The following DYNC2LI1 variants were observed in gnomAD, a reference collection of about 807,000 sequenced individuals.
DYNC2LI1 encodes dynein cytoplasmic 2 light intermediate chain 1.
Under a neutral mutation model 51.9 loss-of-function variants are expected in DYNC2LI1, and 45 were observed. That is an observed-to-expected ratio of 0.87 (90% CI 0.68 to 1.11). The LOEUF is 1.11. Ranked by LOEUF, DYNC2LI1 falls within the 50% of genes most tolerant of loss-of-function variation. The probability of loss-of-function intolerance (pLI) is 0.00; values close to 1 mark genes in which losing one functional copy is unlikely to be tolerated. For synonymous variants in DYNC2LI1, 130 were observed against 137.8 expected (o/e 0.94, Z 0.40); for missense variants, 490 against 417.4 (o/e 1.17, Z -1.51).
chr2:43,824,509 G>C, the DYNC2LI1 span: 1 of 1,598,424 alleles, frequency 6.3e-7, no homozygotes, highest in Non-Finnish European at 8.5e-7. Flanking sequence ...ATTGGTACAG[G>C]AGTACTGGCC....
At chr2:43,806,003 C>T (rs189841686) in intron 12 of DYNC2LI1, among the ~76,000 whole-genome samples, 8 of 152,082 alleles carry the variant, frequency 5.3e-5, no homozygotes, top group Admixed American at 4.6e-4. Context: ...GCTTCAGCCT[C>T]CTGAGTGGCT....
rs1459928721 is a variant in DYNC2LI1, at chr2:43,778,587, A to G, written c.126+1688A>G. On this transcript the variant is annotated intron_variant, in intron 2 of 12. Transcript: ENST00000260605. ...GATTTAAATAAATGAGTAAATAACT[A>G]GTACTAGTCTTATGGTACAAATACA... 7.9e-5 allele frequency among the ~76,000 whole-genome samples: 12 copies of G among 152,348 alleles called. 1 individual carries two copies. The South Asian group carries it at 2.5e-3, about 32-fold the overall frequency.
chr2:43,800,815 A>C, intron 8 of DYNC2LI1, 26 bp from the exon 9 acceptor site: 1 of 1,336,152 alleles, frequency 7.5e-7, no homozygotes, highest in South Asian at 1.3e-5. Flanking sequence ...TAGAGCATGT[A>C]ATTTGTTCTC....
rs971472355 is a variant in DYNC2LI1, at chr2:43,805,092, A to G, written c.901-62A>G. The G allele has an allele frequency of 1.4e-5, 15 of 1,047,602 alleles. No individual in the cohort carries two copies. In the African/African-American group the frequency reaches 2.1e-4, roughly 15 times the overall value. 64.9% of individuals were successfully genotyped at this position (1,047,602 alleles called of 1,614,324 possible). The stretch of plus-strand genomic sequence containing the variant: ...GGAATGGGAGCTTGGTTTATTAGGC[A>G]GATGGTAGCCATTGAATTTTGGTTT... On this transcript the variant is annotated intron_variant, in intron 11 of 12. Coordinates refer to ENST00000260605, the MANE Select transcript of DYNC2LI1 (RefSeq NM_016008.4).
chr2:43,777,714 C>T (rs573511047), intron 2 of DYNC2LI1, among the ~76,000 whole-genome samples: 11 of 152,342 alleles, frequency 7.2e-5, no homozygotes, highest in African/African-American at 2.2e-4. Flanking sequence ...CACTGGGCAA[C>T]GTCAGCGCCC....
rs746871303 is a variant in DYNC2LI1 at position 43,774,130 on chromosome 2, C to T, written c.-9C>T. 5 of 1,613,912 alleles carry T rather than the reference C, an allele frequency of 3.1e-6. No homozygotes were observed. Among genetic ancestry groups the T allele is most frequent in the Non-Finnish European group, 1.7e-6 (2 of 1,179,956 alleles). On this transcript the variant is annotated 5_prime_UTR_variant, in exon 1 of 13. Transcript: ENST00000260605. ...GCCTGTGACGTTTGCGGCAGCCAGG[C>T]CGTCGACGATGCCCAGGTATTCCCT...
chr2:43,815,285 T>C, the DYNC2LI1 span, among the ~76,000 whole-genome samples: 1 of 152,216 alleles, frequency 6.6e-6, no homozygotes, highest in African/African-American at 2.4e-5. Flanking sequence ...TTTCTGTCAA[T>C]CAAAAGGTAT....
chr2:43,788,198 TG>T (rs1673612963), intron 4 of DYNC2LI1, among the ~76,000 whole-genome samples: 1 of 152,164 alleles, frequency 6.6e-6, no homozygotes, highest in Non-Finnish European at 1.5e-5. Context: ...AAATTGTGAA[TG>T]GAGGGAGATT....
intron 7 of DYNC2LI1, 36 bp from the exon 8 acceptor site, chr2:43,796,682 G>T: frequency 6.9e-7 from 1 of 1,454,174 alleles, no homozygotes. Context: ...TAGATATTTG[G>T]TTATCTTGAC....
chr2:43,800,968 A>G (rs747150505), intron 9 of DYNC2LI1, 51 bp downstream of exon 9: 34 of 1,243,474 alleles, frequency 2.7e-5, no homozygotes, highest in Admixed American at 9.7e-5. Flanking sequence ...GATTTAGCCA[A>G]TGTTGTCTCA....
At chr2:43,823,070 G>C in the DYNC2LI1 span, 1 of 1,176,982 alleles carries the variant, frequency 8.5e-7, no homozygotes, top group Non-Finnish European at 1.2e-6. Flanking sequence ...AGTCATAGAA[G>C]GAGGGGACCT....
chr2:43,791,147 G>T (rs1283527124), intron 5 of DYNC2LI1, among the ~76,000 whole-genome samples: 1 of 152,148 alleles, frequency 6.6e-6, no homozygotes, highest in African/African-American at 2.4e-5. Flanking sequence ...CGTGAGCCAG[G>T]GAGTTCAAGG....
chr2:43,823,386 G>C, the DYNC2LI1 span, among the ~76,000 whole-genome samples: 9 of 147,970 alleles, frequency 6.1e-5, no homozygotes, highest in Non-Finnish European at 1.2e-4. Context: ...TCAAGCTCTA[G>C]AGCAACTTCA....
the DYNC2LI1 span, among the ~76,000 whole-genome samples, chr2:43,819,740 A>G: frequency 6.6e-6 from 1 of 152,330 alleles, no homozygotes; most frequent in East Asian, 1.9e-4. Flanking sequence ...TTATTGAACA[A>G]ATGAACAGTT....
intron 4 of DYNC2LI1, 48 bp from the exon 5 acceptor site, chr2:43,789,585 T>A: frequency 7.0e-7 from 1 of 1,426,630 alleles, no homozygotes; most frequent in Non-Finnish European, 9.9e-7. Context: ...GCTAATGACA[T>A]ATAAGAAGTA....
the DYNC2LI1 span, chr2:43,822,485 C>T: frequency 6.9e-5 from 64 of 925,858 alleles, 3 homozygotes; most frequent in Non-Finnish European, 7.6e-5. Flanking sequence ...CAGGCCCCCC[C>T]CCATGCACCT....
chr2:43,788,589 C>T (rs901760432), intron 4 of DYNC2LI1, among the ~76,000 whole-genome samples: 1 of 152,126 alleles, frequency 6.6e-6, no homozygotes, highest in East Asian at 1.9e-4. Context: ...AGTCTAGGAA[C>T]GTCTTATGGA....
downstream of DYNC2LI1, chr2:43,810,014 G>A (rs1203858281): frequency 7.5e-6 from 8 of 1,071,752 alleles, no homozygotes; most frequent in Admixed American, 8.2e-5. Flanking sequence ...CCTCTAACAT[G>A]TTTAAGTGGT....
downstream of DYNC2LI1, chr2:43,812,861 T>G (rs1666554394): frequency 4.0e-6 from 2 of 496,452 alleles, no homozygotes; most frequent in Non-Finnish European, 7.3e-6. Flanking sequence ...GAATATTATT[T>G]ACATTCTTGG....
Sources: gnomAD v4.1 joint callset for allele counts (sites outside exome capture counted in the v4.1 genomes callset) on GRCh38, gnomAD v4.1.1 for gene constraint, MANE v1.5 for transcripts, NCBI Gene and HGNC (gene_info 2026-07-23, HGNC 2026-07-21) for gene names.